The following NEURL1B variants were observed in gnomAD, a reference collection of about 807,000 sequenced individuals.
NEURL1B encodes neuralized E3 ubiquitin protein ligase 1B.
In NEURL1B, 13 loss-of-function variants were observed where a neutral mutation model predicts 37.4. That is an observed-to-expected ratio of 0.35 (90% CI 0.23 to 0.55). The LOEUF is 0.55. Among genes scored for constraint, NEURL1B ranks in the 20% least tolerant of loss-of-function variants. The probability of loss-of-function intolerance (pLI) is 0.89; values close to 1 mark genes in which losing one functional copy is unlikely to be tolerated. For synonymous variants in NEURL1B, 432 were observed against 426.6 expected (o/e 1.01, Z -0.16); for missense variants, 790 against 879.2 (o/e 0.90, Z 1.28).
At chr5:172,651,505 G>A (rs1425928534) in intron 1 of NEURL1B, among the ~76,000 whole-genome samples, 1 of 152,200 alleles carries the variant, frequency 6.6e-6, no homozygotes, top group Non-Finnish European at 1.5e-5. Context: ...ACCTTGCAAT[G>A]CCTTTGTTAT....
intron 1 of NEURL1B, among the ~76,000 whole-genome samples, chr5:172,644,810 G>T (rs1387138086): frequency 1.3e-5 from 2 of 152,178 alleles, no homozygotes; most frequent in African/African-American, 4.8e-5. Context: ...CTTCATCTGG[G>T]TATTTGAAGG....
chr5:172,672,540 T>TTCC (rs146841497), intron 2 of NEURL1B, among the ~76,000 whole-genome samples: 4 of 136,202 alleles, frequency 2.9e-5, no homozygotes, highest in South Asian at 2.5e-4. Flanking sequence ...AGGTGAACTC[T>TTCC]CCCCCCCCCA....
chr5:172,654,571 A>ATTTTTTTTTTTTTTT (rs34546667), intron 1 of NEURL1B, among the ~76,000 whole-genome samples: 1 of 137,028 alleles, frequency 7.3e-6, no homozygotes. Context: ...GAGTTAAACT[A>ATTTTTTTTTTTTTTT]TTTTTTTTTT....
chr5:172,673,890 G>A (rs1758179101), intron 2 of NEURL1B, among the ~76,000 whole-genome samples: 3 of 151,118 alleles, frequency 2.0e-5, no homozygotes, highest in South Asian at 4.2e-4. Flanking sequence ...TGTAATCCCA[G>A]CACTTTGGGA....
At chr5:172,653,329 T>A (rs2113269754) in intron 1 of NEURL1B, among the ~76,000 whole-genome samples, 1 of 152,350 alleles carries the variant, frequency 6.6e-6, no homozygotes, top group East Asian at 1.9e-4. Flanking sequence ...TATTTGACAA[T>A]GCTTCCAGTA....
chr5:172,686,710 C>T lies in NEURL1B; in HGVS notation c.1453C>T (p.Pro485Ser), dbSNP rs1758505372. The part of the protein sequence containing the change: ...VTAPSSPLSP[P>S]VSPVFSPPEP... ...GGCCCCCAGCTCCCCGCTGAGCCCCCCGGTGTCCCCCGTGTTCTCCCCACC... is the reference window on the plus strand; with the variant it reads ...GGCCCCCAGCTCCCCGCTGAGCCCCTCGGTGTCCCCCGTGTTCTCCCCACC... Residue 485 changes from proline (P) to serine (S), a missense_variant, in exon 5 of 5, where the codon CCG becomes TCG. Physicochemically the swap from Pro to Ser is moderately conservative, Grantham distance 74. This residue lies in a region of NEURL1B where 115 missense variants were observed against 162.6 expected (regional missense o/e 0.71). Coordinates refer to ENST00000369800, the MANE Select transcript of NEURL1B (RefSeq NM_001142651.3). The surrounding 1 kb of genome is among the most constrained non-coding windows in gnomAD (Gnocchi z 7.9). 8.4e-6 allele frequency: 13 copies of T among 1,551,052 alleles called. No individual in the cohort carries two copies. The highest frequency in any genetic ancestry group is 1.4e-5 in the African/African-American group (1 of 73,062).
intron 1 of NEURL1B, among the ~76,000 whole-genome samples, chr5:172,649,241 T>C (rs1757615095): frequency 6.6e-6 from 1 of 151,686 alleles, no homozygotes; most frequent in Non-Finnish European, 1.5e-5. Context: ...GAGTATCCAA[T>C]GCATCTCAGA....
At position 172,665,332 on chromosome 5, in the gene NEURL1B, A is replaced by C. The variant is rs1242071206; in HGVS notation, c.32-4453A>C. Among the ~76,000 whole-genome samples, 1 of 152,122 alleles carries C rather than the reference A, an allele frequency of 6.6e-6. No individual in the cohort carries two copies. The highest frequency in any genetic ancestry group is 1.9e-4 in the East Asian group (1 of 5,180). On this transcript the variant is annotated intron_variant, in intron 1 of 4. Transcript: ENST00000369800. This position sits in a 1 kb window ranked among gnomAD's most constrained non-coding sequence, Gnocchi z 4.1. ...CACAGGCTTCTGCTGTCCCTGAGCT[A>C]TCTCTGCCGATGGTCTGCACCCGGG...
rs548154349 is a variant in NEURL1B at position 172,661,899 on chromosome 5, G to A, written c.32-7886G>A. 2.8e-4 allele frequency among the ~76,000 whole-genome samples: 43 copies of A among 152,346 alleles called. No homozygotes were observed. Among genetic ancestry groups the A allele is most frequent in the South Asian group, 2.1e-3 (10 of 4,824 alleles). ...GGATGGCACAAGGCGCATTTAGGAC[G>A]CCTGCTGGCATAGTTTAAAAATAGG... is the stretch of plus-strand genomic sequence containing the variant. On this transcript the variant is annotated intron_variant, in intron 1 of 4. Coordinates refer to ENST00000369800, the MANE Select transcript of NEURL1B (RefSeq NM_001142651.3). This position sits in a 1 kb window ranked among gnomAD's most constrained non-coding sequence, Gnocchi z 4.0.
rs535463158 is a variant in NEURL1B, at chr5:172,641,418, G to A, written c.12G>A (p.Thr4=). 1.9e-4 allele frequency: 256 copies of A among 1,352,036 alleles called. No homozygotes were observed. In the African/African-American group the frequency reaches 3.4e-3, roughly 18 times the overall value. 83.8% of individuals were successfully genotyped at this position (1,352,036 alleles called of 1,614,324 possible). ...CGCCCGACGCAGCGATGGGCAACAC[G>A]GTGCACCGGACCCTGCCAGGTACGC... MGN[T]VHRTLPDPSP... The change falls in exon 1 of 5, where the codon ACG becomes ACA. Residue 4 remains threonine, a synonymous_variant. Coordinates refer to ENST00000369800, the MANE Select transcript of NEURL1B (RefSeq NM_001142651.3). The surrounding 1 kb of genome is among the most constrained non-coding windows in gnomAD (Gnocchi z 6.4).
rs1554097753 is a variant in NEURL1B at position 172,659,046 on chromosome 5, C to CCG, written c.32-10738_32-10737insGC. Among the ~76,000 whole-genome samples the CCG allele has an allele frequency of 2.1e-4, 29 of 135,730 alleles. 1 individual carries two copies. The highest frequency in any genetic ancestry group is 7.8e-4 in the African/African-American group (28 of 35,962). The allele number at this position is 135,730 out of a possible 152,430, so 89.0% of individuals were successfully genotyped here. On this transcript the variant is annotated intron_variant, in intron 1 of 4. Transcript: ENST00000369800. ...ACCACCCCTGCCCGCCCCCCCCCCC[C>CCG]CAAAGCTTCCTTCCTGAGACCAAGC...
rs111323725 is a variant in NEURL1B, at chr5:172,659,999, G to C, written c.32-9786G>C. Among the ~76,000 whole-genome samples, 797 of 152,302 alleles carry C rather than the reference G, an allele frequency of 5.2e-3. 4 individuals are homozygous for C. Among genetic ancestry groups the C allele is most frequent in the African/African-American group, 0.018 (757 of 41,552 alleles). On this transcript the variant is annotated intron_variant, in intron 1 of 4. Coordinates refer to ENST00000369800, the MANE Select transcript of NEURL1B (RefSeq NM_001142651.3). ...CCATCCTTGCAGCTGGTCTCAGCTC[G>C]AGGGGGCGGGGACAGTGTGTGACTT...
At chr5:172,667,749 G>T (rs368626209) in intron 1 of NEURL1B, among the ~76,000 whole-genome samples, 1 of 152,010 alleles carries the variant, frequency 6.6e-6, no homozygotes. Flanking sequence ...ACAGTGGCCT[G>T]AGCACTCCTA....
At chr5:172,672,540 T>C (rs868002072) in intron 2 of NEURL1B, among the ~76,000 whole-genome samples, 1,401 of 136,212 alleles carry the variant, frequency 0.01, 27 homozygotes, top group African/African-American at 0.034. Flanking sequence ...AGGTGAACTC[T>C]CCCCCCCCCA....
chr5:172,683,808 C>G lies in NEURL1B; in HGVS notation c.967C>G (p.Leu323Val). 7.6e-7 allele frequency: 1 copy of G among 1,314,286 alleles called. No homozygotes were observed. The highest frequency in any genetic ancestry group is 9.7e-7 in the Non-Finnish European group (1 of 1,029,252). The allele number at this position is 1,314,286 out of a possible 1,614,324, so 81.4% of individuals were successfully genotyped here. ...GCGCCCGCTGCGGCCCGGCGAGAGC[C>G]TCTTCGTGGAGGTGGGCCGTCCGGG... ...SERPLRPGES[L>V]FVEVGRPGLA... Residue 323 changes from leucine (L) to valine (V), a missense_variant, in exon 3 of 5, where the codon CTC (leucine) becomes GTC (valine). By Grantham distance (32) the Leu-to-Val change is conservative. Around this residue, in one of 3 missense-constraint regions of NEURL1B, gnomAD observed 460 missense variants for 407.4 expected, o/e 1.13. Transcript: ENST00000369800. This position sits in a 1 kb window ranked among gnomAD's most constrained non-coding sequence, Gnocchi z 5.6.
Position 172,686,113 on chromosome 5 carries a change from G to A in NEURL1B, c.1298-58G>A. 1 of 1,541,000 alleles carries A rather than the reference G, an allele frequency of 6.5e-7. No homozygotes were observed. Among genetic ancestry groups the A allele is most frequent in the Non-Finnish European group, 8.8e-7 (1 of 1,141,512 alleles). On this transcript the variant is annotated intron_variant, in intron 3 of 4. Transcript: ENST00000369800. The surrounding 1 kb of genome is among the most constrained non-coding windows in gnomAD (Gnocchi z 7.9). The stretch of plus-strand genomic sequence containing the variant: ...AGGTGCAAAGCAGTGAAGAACCATG[G>A]ACTAGCAGGGCAGGTCCAACCTTCC...
At chr5:172,670,642 CTCATTCAT>C (rs111734526) in intron 2 of NEURL1B, among the ~76,000 whole-genome samples, 2 of 152,136 alleles carry the variant, frequency 1.3e-5, no homozygotes, top group African/African-American at 4.8e-5. Flanking sequence ...AGTTTATTTG[CTCATTCAT>C]TCATTCATTC....
intron 1 of NEURL1B, among the ~76,000 whole-genome samples, chr5:172,643,649 G>A (rs1757508809): frequency 6.6e-6 from 1 of 152,152 alleles, no homozygotes; most frequent in South Asian, 2.1e-4. Flanking sequence ...CTGGTGCCTG[G>A]CAAGGGCTCA....
At position 172,683,026 on chromosome 5, in the gene NEURL1B, G is replaced by A. The variant is rs1331320254; in HGVS notation, c.578-393G>A. 6.6e-6 allele frequency among the ~76,000 whole-genome samples: 1 copy of A among 152,190 alleles called. No homozygotes were observed. The highest frequency in any genetic ancestry group is 1.5e-5 in the Non-Finnish European group (1 of 68,034). ...TTTATTGGAGCTTATGTTCTAGTTG[G>A]GGAGACGGACAATAAACGATTTTTA... On this transcript the variant is annotated intron_variant, in intron 2 of 4. Transcript: ENST00000369800. The surrounding 1 kb of genome is among the most constrained non-coding windows in gnomAD (Gnocchi z 5.6).
Sources: allele counts gnomAD v4.1 joint callset (sites outside exome capture counted in the v4.1 genomes callset), GRCh38; gene constraint gnomAD v4.1.1; regional missense constraint gnomAD v4.1.1; non-coding constraint Gnocchi (gnomAD v3.1); transcripts MANE v1.5; gene names NCBI Gene and HGNC (gene_info 2026-07-23, HGNC 2026-07-21).